ELMO1: variants seen among roughly 807,000 people sequenced by gnomAD.
The protein encoded by ELMO1 is engulfment and cell motility protein 1.
A neutral mutation model predicts 98.9 loss-of-function variants in ELMO1; 26 were observed. The observed-to-expected ratio is 0.26, with a 90% CI of 0.19 to 0.36. ELMO1 has a LOEUF of 0.36. Ranked by LOEUF, ELMO1 falls within the 10% of genes least tolerant of loss-of-function variation. The probability of loss-of-function intolerance (pLI) is 1.00; values close to 1 mark genes in which losing one functional copy is unlikely to be tolerated. For synonymous variants in ELMO1, 346 were observed against 346.0 expected, an observed-to-expected ratio of 1.00 and a Z score of 0.00; for missense variants, 627 against 935.2, an observed-to-expected ratio of 0.67 and a Z score of 4.30.
intron 15 of ELMO1, chr7:37,013,641 T>A (rs1793720027): frequency 3.6e-6 from 2 of 553,744 alleles, no homozygotes; most frequent in East Asian, 6.3e-5. Context: ...AGACCTAGCC[T>A]TAGACACATA....
chr7:36,905,531 C>A (rs759324574), intron 16 of ELMO1, among the ~76,000 whole-genome samples: 9 of 152,308 alleles, frequency 5.9e-5, no homozygotes, highest in Non-Finnish European at 1.2e-4. Context: ...GAATGGTTAG[C>A]AAATCCTTAT....
intron 8 of ELMO1, among the ~76,000 whole-genome samples, chr7:37,225,940 G>A (rs886769078): frequency 6.6e-6 from 1 of 152,086 alleles, no homozygotes; most frequent in Non-Finnish European, 1.5e-5. Flanking sequence ...TTGGTTCCAC[G>A]ACAAGTAAAC....
chr7:37,100,140 T>G (rs1193191655), intron 14 of ELMO1, among the ~76,000 whole-genome samples: 1 of 152,198 alleles, frequency 6.6e-6, no homozygotes, highest in Non-Finnish European at 1.5e-5. Flanking sequence ...CACATACATA[T>G]TACCATGAAA....
chr7:37,026,637 G>A (rs556142254), intron 15 of ELMO1, among the ~76,000 whole-genome samples: 2 of 152,230 alleles, frequency 1.3e-5, no homozygotes, highest in African/African-American at 2.4e-5. Flanking sequence ...ATACCTCTGT[G>A]TCAAACAAAC....
intron 14 of ELMO1, among the ~76,000 whole-genome samples, chr7:37,120,347 G>A (rs375968989): frequency 5.3e-5 from 8 of 152,360 alleles, no homozygotes; most frequent in East Asian, 3.9e-4. Context: ...CCCGACAAGC[G>A]CAAGGGGTCA....
At chr7:36,885,811 G>A (rs987897314) in intron 18 of ELMO1, among the ~76,000 whole-genome samples, 2 of 152,274 alleles carry the variant, frequency 1.3e-5, no homozygotes, top group African/African-American at 2.4e-5. Context: ...CTGGCACCAA[G>A]TCCACTCACT....
At chr7:37,095,651 T>A (rs568437960) in intron 15 of ELMO1, among the ~76,000 whole-genome samples, 13 of 152,384 alleles carry the variant, frequency 8.5e-5, no homozygotes, top group African/African-American at 2.6e-4. Flanking sequence ...TATTAAATTT[T>A]CTAGTTTATT....
chr7:37,402,669 G>A (rs1296312700), intron 1 of ELMO1, among the ~76,000 whole-genome samples: 2 of 152,156 alleles, frequency 1.3e-5, no homozygotes, highest in East Asian at 3.9e-4. Context: ...TTCTGGTTAA[G>A]TAAACAATTA....
chr7:36,938,326 A>G (rs1584403250), intron 16 of ELMO1, among the ~76,000 whole-genome samples: 1 of 152,268 alleles, frequency 6.6e-6, no homozygotes, highest in Non-Finnish European at 1.5e-5. Flanking sequence ...AGTTGCTGAA[A>G]CCAAGCCAAA....
At chr7:37,149,292 A>C (rs1026867005) in intron 13 of ELMO1, among the ~76,000 whole-genome samples, 9 of 152,306 alleles carry the variant, frequency 5.9e-5, no homozygotes, top group African/African-American at 1.4e-4. Context: ...TTATAATAGC[A>C]GAAGGATGTA....
intron 4 of ELMO1, among the ~76,000 whole-genome samples, chr7:37,291,995 C>A (rs1174740872): frequency 8.7e-6 from 1 of 115,070 alleles, no homozygotes; most frequent in African/African-American, 3.0e-5. Context: ...CCTCTGATGC[C>A]GAGCCGAAGC....
chr7:36,952,805 CAG>C (rs1374965554), intron 16 of ELMO1, among the ~76,000 whole-genome samples: 1 of 151,922 alleles, frequency 6.6e-6, no homozygotes, highest in East Asian at 1.9e-4. Flanking sequence ...AAAAAATACA[CAG>C]AGAGCAGAGG....
intron 16 of ELMO1, among the ~76,000 whole-genome samples, chr7:36,972,052 A>G (rs891501412): frequency 2.0e-5 from 3 of 152,180 alleles, no homozygotes; most frequent in African/African-American, 4.8e-5. Flanking sequence ...CCCCCCAACA[A>G]TGGCAATGAA....
intron 8 of ELMO1, among the ~76,000 whole-genome samples, chr7:37,231,584 C>G (rs1419124107): frequency 6.6e-6 from 1 of 152,128 alleles, no homozygotes; most frequent in Non-Finnish European, 1.5e-5. Context: ...TGTTAACTTT[C>G]AAAAGTGTCA....
At chr7:37,233,036 GA>G (rs1489782419) in intron 8 of ELMO1, 58 bp downstream of exon 8, 19 of 1,411,032 alleles carry the variant, frequency 1.3e-5, no homozygotes, top group Non-Finnish European at 1.9e-5. Context: ...TCAAAGCAGA[GA>G]AAAATAGCTA....
At chr7:37,010,890 G>A (rs777445262) in intron 16 of ELMO1, among the ~76,000 whole-genome samples, 10 of 152,138 alleles carry the variant, frequency 6.6e-5, no homozygotes, top group South Asian at 2.1e-4. Flanking sequence ...AAGCAAACAC[G>A]ATGAAAGTAT....
intron 2 of ELMO1, among the ~76,000 whole-genome samples, chr7:37,321,947 C>A (rs1799536198): frequency 6.7e-6 from 1 of 150,328 alleles, no homozygotes; most frequent in Admixed American, 6.6e-5. Context: ...AACCTCCCCA[C>A]CTCCCGAGTT....
intron 16 of ELMO1, among the ~76,000 whole-genome samples, chr7:36,949,262 C>T (rs145636370): frequency 1.0e-3 from 155 of 152,322 alleles, no homozygotes; most frequent in Non-Finnish European, 1.7e-3. Flanking sequence ...GAACTGGAAA[C>T]GGCACCACTT....
At chr7:37,322,199 T>G (rs1289351384) in intron 2 of ELMO1, among the ~76,000 whole-genome samples, 1 of 151,826 alleles carries the variant, frequency 6.6e-6, no homozygotes, top group Non-Finnish European at 1.5e-5. Context: ...ATATTTGGGC[T>G]GGACGTGGTG....
Sources: gnomAD v4.1 joint callset for allele counts (sites outside exome capture counted in the v4.1 genomes callset) on GRCh38, gnomAD v4.1.1 for gene constraint, MANE v1.5 for transcripts, NCBI Gene and HGNC (gene_info 2026-07-23, HGNC 2026-07-21) for gene names.